The following SGCZ variants were observed in gnomAD, a reference collection of about 807,000 sequenced individuals.
SGCZ encodes the protein zeta-sarcoglycan.
In SGCZ, 40 loss-of-function variants were observed where a neutral mutation model predicts 41.3. That is an observed-to-expected ratio of 0.97 (90% confidence interval 0.75 to 1.26). The LOEUF (loss-of-function observed/expected upper bound fraction) is 1.26. Ranked by LOEUF, SGCZ falls within the 50% of genes most tolerant of loss-of-function variation. The probability of loss-of-function intolerance (pLI) is 0.00; values close to 1 mark genes in which losing one functional copy is unlikely to be tolerated. For synonymous variants in SGCZ, 206 were observed against 137.5 expected, an observed-to-expected ratio of 1.50 and a Z score of -3.49; for missense variants, 552 against 369.8, an observed-to-expected ratio of 1.49 and a Z score of -4.04.
chr8:14,124,065 C>T (rs887520236), intron 5 of SGCZ, among the ~76,000 whole-genome samples: 1 of 152,190 alleles, frequency 6.6e-6, no homozygotes, highest in South Asian at 2.1e-4. Flanking sequence ...CAGAAGGGAG[C>T]TCAGACCAGG....
At chr8:14,480,574 G>A (rs1461152224) in intron 2 of SGCZ, among the ~76,000 whole-genome samples, 1 of 127,674 alleles carries the variant, frequency 7.8e-6, no homozygotes, top group Non-Finnish European at 1.7e-5. Context: ...TTTATTCAAT[G>A]TTCGTGTTTA....
intron 1 of SGCZ, among the ~76,000 whole-genome samples, chr8:14,831,779 C>CGTATATATGTGTGTACACATACAT (rs1563300912): frequency 1.4e-5 from 2 of 139,816 alleles, no homozygotes; most frequent in Non-Finnish European, 3.0e-5. Context: ...TATACACACA[C>CGTATATATGTGTGTACACATACAT]GTATATATGT....
chr8:14,165,487 T>A lies in SGCZ; in HGVS notation c.425-785A>T, dbSNP rs1278144795. 3.3e-5 allele frequency: 5 copies of A among 152,170 alleles called. No homozygotes were observed. The East Asian group carries it at 9.7e-4, about 29-fold the overall frequency. 9.4% of individuals were successfully genotyped at this position (152,170 alleles called of 1,614,324 possible). A position where few individuals can be genotyped will look rare whatever the true frequency, so the allele number is the denominator to read the frequency against. ...AATCTAACTGGGCCTTGAAGGTGAATGTTAACTGAGGAGGAAGAAATTTGA... is the reference window on the plus strand; with the variant it reads ...AATCTAACTGGGCCTTGAAGGTGAAAGTTAACTGAGGAGGAAGAAATTTGA... On this transcript the variant is annotated intron_variant, in intron 4 of 7. Coordinates refer to ENST00000382080, the MANE Select transcript of SGCZ (RefSeq NM_139167.4).
At chr8:14,132,786 G>T (rs1236160412) in intron 5 of SGCZ, among the ~76,000 whole-genome samples, 1 of 152,132 alleles carries the variant, frequency 6.6e-6, no homozygotes, top group Non-Finnish European at 1.5e-5. Context: ...GTATTATAAA[G>T]TGGCAACTCT....
At chr8:14,797,679 A>T (rs1012152771) in intron 1 of SGCZ, among the ~76,000 whole-genome samples, 1 of 152,218 alleles carries the variant, frequency 6.6e-6, no homozygotes, top group Non-Finnish European at 1.5e-5. Flanking sequence ...AATGACTCCA[A>T]GGCATGTCAG....
chr8:14,397,748 G>C (rs969533564), intron 2 of SGCZ, among the ~76,000 whole-genome samples: 30 of 152,090 alleles, frequency 2.0e-4, no homozygotes, highest in African/African-American at 7.2e-4. Context: ...TATTGCAAAA[G>C]CATACTAGAG....
intron 1 of SGCZ, among the ~76,000 whole-genome samples, chr8:14,608,574 G>A (rs1805827701): frequency 6.6e-6 from 1 of 152,084 alleles, no homozygotes; most frequent in Admixed American, 6.5e-5. Context: ...TTACCGTGGG[G>A]AAGGCAAGAA....
At chr8:15,229,187 G>A (rs577885122) in intron 1 of SGCZ, among the ~76,000 whole-genome samples, 54 of 151,980 alleles carry the variant, frequency 3.6e-4, no homozygotes, top group East Asian at 1.2e-3. Context: ...GCAAGACTCC[G>A]TCTCAAAAAA....
rs1413476181 is a variant in SGCZ, at chr8:14,796,884, G to A, written c.40-241958C>T. On this transcript the variant is annotated intron_variant, in intron 1 of 7. Transcript: ENST00000382080. ...CCCACAAGATCTGATGGTTTTATAA[G>A]GGGATTCCCCCTTCACTCAGCTATC... is the stretch of plus-strand genomic sequence containing the variant. 5.3e-5 allele frequency among the ~76,000 whole-genome samples: 8 copies of A among 152,148 alleles called. No individual in the cohort carries two copies. In the East Asian group the frequency reaches 1.5e-3, roughly 29 times the overall value.
At chr8:14,252,921 A>G (rs1225725596) in intron 3 of SGCZ, among the ~76,000 whole-genome samples, 1 of 152,204 alleles carries the variant, frequency 6.6e-6, no homozygotes, top group Non-Finnish European at 1.5e-5. Flanking sequence ...AGAAATTCAA[A>G]GAAAATACAT....
chr8:14,647,230 G>C (rs553091976), intron 1 of SGCZ, among the ~76,000 whole-genome samples: 6 of 152,052 alleles, frequency 3.9e-5, no homozygotes, highest in South Asian at 2.1e-4. Flanking sequence ...AGAAAAATGA[G>C]ACCACACTCC....
chr8:14,914,694 A>G (rs1415615846), intron 1 of SGCZ, among the ~76,000 whole-genome samples: 1 of 152,230 alleles, frequency 6.6e-6, no homozygotes, highest in Admixed American at 6.5e-5. Flanking sequence ...TTCAAATGCT[A>G]TTACAAAAAT....
At chr8:14,479,741 T>TTTTTCTTTTTC (rs1376247593) in intron 2 of SGCZ, among the ~76,000 whole-genome samples, 1 of 14,926 alleles carries the variant, frequency 6.7e-5, no homozygotes, top group African/African-American at 1.4e-4. Context: ...CTTTTTTTTT[T>TTTTTCTTTTTC]TTTTTTTTTT....
chr8:14,962,214 T>C (rs938402071), intron 1 of SGCZ, among the ~76,000 whole-genome samples: 1 of 152,156 alleles, frequency 6.6e-6, no homozygotes, highest in Non-Finnish European at 1.5e-5. Flanking sequence ...TCCAAATCTC[T>C]GTTTCACTCC....
intron 1 of SGCZ, among the ~76,000 whole-genome samples, chr8:14,852,988 T>C (rs1803389769): frequency 6.6e-6 from 1 of 152,188 alleles, no homozygotes; most frequent in Admixed American, 6.6e-5. Flanking sequence ...ATACTGCTGA[T>C]GAGGCAGCCA....
At chr8:14,579,817 T>C (rs1332043408) in intron 1 of SGCZ, among the ~76,000 whole-genome samples, 4 of 152,200 alleles carry the variant, frequency 2.6e-5, no homozygotes, top group African/African-American at 4.8e-5. Context: ...CTTGATTCCC[T>C]TTTGTGTATC....
intron 2 of SGCZ, among the ~76,000 whole-genome samples, chr8:14,327,561 TAAA>T (rs1802166929): frequency 1.3e-5 from 2 of 152,296 alleles, no homozygotes; most frequent in Admixed American, 1.3e-4. Flanking sequence ...ATATTAATAC[TAAA>T]AAATGTTCTG....
At chr8:14,292,456 C>T (rs1184320416) in intron 3 of SGCZ, among the ~76,000 whole-genome samples, 1 of 151,922 alleles carries the variant, frequency 6.6e-6, no homozygotes, top group Admixed American at 6.6e-5. Flanking sequence ...GTGACATCAA[C>T]TCAAGAGCCA....
At chr8:14,099,199 C>CATATCT (rs1211182632) in intron 7 of SGCZ, among the ~76,000 whole-genome samples, 2 of 152,142 alleles carry the variant, frequency 1.3e-5, no homozygotes, top group African/African-American at 4.8e-5. Context: ...TGAACTTGAG[C>CATATCT]ATATCTTTTT....
Sources: allele counts gnomAD v4.1 joint callset (sites outside exome capture counted in the v4.1 genomes callset), GRCh38; gene constraint gnomAD v4.1.1; transcripts MANE v1.5; gene names NCBI Gene and HGNC (gene_info 2026-07-23, HGNC 2026-07-21).